Variants in HERC4 observed in about 807,000 individuals in gnomAD.
HERC4 encodes probable E3 ubiquitin-protein ligase HERC4.
HERC4 carries 28 observed loss-of-function variants against 124.3 expected under a neutral mutation model. The ratio of observed to expected loss-of-function variants is 0.23; its 90% CI spans 0.17 to 0.31. The LOEUF (loss-of-function observed/expected upper bound fraction) is 0.31, where lower values mean the gene tolerates loss of function less well. Among genes scored for constraint, HERC4 ranks in the 10% least tolerant of loss-of-function variants. HERC4 has a pLI of 1.00. For synonymous variants in HERC4, 407 were observed against 421.5 expected, an observed-to-expected ratio of 0.97 and a Z score of 0.42; for missense variants, 713 against 1,229.3, an observed-to-expected ratio of 0.58 and a Z score of 6.28.
chr10:67,956,938 A>G lies in HERC4; in HGVS notation c.1965T>C (p.Phe655=), dbSNP rs139783077. 5 of 1,603,948 alleles carry G rather than the reference A, an allele frequency of 3.1e-6. No homozygotes were observed. Among genetic ancestry groups the G allele is most frequent in the African/African-American group, 2.7e-5 (2 of 74,604 alleles). The change falls in exon 17 of 25, where the codon TTT becomes TTC. Residue 655 remains phenylalanine (F), a synonymous_variant. Transcript: ENST00000373700. ...DIPVTICTYP[F]VFDAQAKTTL... ...TAGTTTTTGCTTGGGCATCAAATAC[A>G]AATGGATATGTACAGATTGTAACAG...
At chr10:68,050,103 G>C (rs1341685769) in intron 3 of HERC4, among the ~76,000 whole-genome samples, 2 of 152,120 alleles carry the variant, frequency 1.3e-5, no homozygotes, top group Non-Finnish European at 2.9e-5. Context: ...TGAGGTAGGA[G>C]AATCACCTGA....
chr10:67,951,086 G>A (rs994216674), intron 19 of HERC4, among the ~76,000 whole-genome samples: 1 of 152,202 alleles, frequency 6.6e-6, no homozygotes. Flanking sequence ...GCCAAGGTGA[G>A]ATAGAACTTG....
At chr10:68,049,438 C>G (rs1287504106) in intron 3 of HERC4, among the ~76,000 whole-genome samples, 1 of 151,056 alleles carries the variant, frequency 6.6e-6, no homozygotes, top group Non-Finnish European at 1.5e-5. Context: ...CTGAGGTGGA[C>G]AGATCTTAAG....
intron 15 of HERC4, among the ~76,000 whole-genome samples, chr10:67,980,004 T>C (rs2035833928): frequency 6.6e-6 from 1 of 152,142 alleles, no homozygotes; most frequent in African/African-American, 2.4e-5. Flanking sequence ...GCCAATATGC[T>C]GGCAGCAGAC....
At chr10:68,007,194 A>G (rs1295473087) in intron 9 of HERC4, among the ~76,000 whole-genome samples, 2 of 151,972 alleles carry the variant, frequency 1.3e-5, no homozygotes, top group Non-Finnish European at 2.9e-5. Context: ...ATTTTCATAT[A>G]TCATGTCTTC....
In HERC4 at chr10:67,922,736, G is replaced by T. The variant is rs2030348463; in HGVS notation, c.*195C>A. 1 of 383,966 alleles carries T rather than the reference G, an allele frequency of 2.6e-6. No homozygotes were observed. Among genetic ancestry groups the T allele is most frequent in the Non-Finnish European group, 4.7e-6 (1 of 212,964 alleles). The allele number at this position is 383,966 out of a possible 1,614,324, so 23.8% of individuals were successfully genotyped here. A position where few individuals can be genotyped will look rare whatever the true frequency, so the allele number is the denominator to read the frequency against. On this transcript the variant is annotated 3_prime_UTR_variant, in exon 25 of 25. Coordinates refer to ENST00000373700, the MANE Select transcript of HERC4 (RefSeq NM_015601.4). The stretch of plus-strand genomic sequence containing the variant: ...TAGAAGATGGTCAAAAAAAATCCAT[G>T]GTTCTGTACAATAATATTAACAGTT...
intron 19 of HERC4, among the ~76,000 whole-genome samples, chr10:67,948,723 C>A (rs1318494288): frequency 6.7e-6 from 1 of 150,234 alleles, no homozygotes; most frequent in African/African-American, 2.5e-5. Context: ...GAGTTCAAGA[C>A]CAGCCTGGCC....
At position 68,034,017 on chromosome 10, in the gene HERC4, G is replaced by A; in HGVS notation, c.633C>T (p.Ile211=). 1 of 1,614,064 alleles carries A rather than the reference G, an allele frequency of 6.2e-7. No homozygotes were observed. The highest frequency in any genetic ancestry group is 8.5e-7 in the Non-Finnish European group (1 of 1,180,002). Residue 211 remains isoleucine, a synonymous_variant, in exon 6 of 25, where the codon ATC becomes ATT. Transcript: ENST00000373700. ...CAAACTTGTTGCGTCCCCATCCAAA[G>A]ATAGCTCCAGAAAGGGTGAGTACAA... is the stretch of plus-strand genomic sequence containing the variant. ...HSFVLTLSGA[I]FGWGRNKFGQ...
chr10:68,047,387 A>G (rs909124212), intron 3 of HERC4, among the ~76,000 whole-genome samples: 2 of 152,232 alleles, frequency 1.3e-5, no homozygotes, highest in Non-Finnish European at 2.9e-5. Context: ...GCACTTTTCC[A>G]TATGGGTTAA....
chr10:68,044,503 G>A lies in HERC4; in HGVS notation c.287C>T (p.Thr96Met). Residue 96 changes from threonine to methionine, a missense_variant, in exon 4 of 25, where the codon ACG becomes ATG. By Grantham distance (81) the Thr-to-Met change is moderately conservative. Coordinates refer to ENST00000373700, the MANE Select transcript of HERC4 (RefSeq NM_015601.4). Reference sequence around the variant, plus strand: ...CTGGCCTTTGTCATTTAGCGCTAACGTATGAGCTTCTCCACATGAAACAGC... The same window carrying A: ...CTGGCCTTTGTCATTTAGCGCTAACATATGAGCTTCTCCACATGAAACAGC... ...IVAVSCGEAH[T>M]LALNDKGQVY... 6.2e-7 allele frequency: 1 copy of A among 1,614,066 alleles called. No homozygotes were observed.
At chr10:67,992,114 C>T (rs2036583725) in intron 11 of HERC4, 85 bp downstream of exon 11, 2 of 1,324,504 alleles carry the variant, frequency 1.5e-6, no homozygotes, top group South Asian at 2.5e-5. Flanking sequence ...CCAGGCTGGT[C>T]TCCAATTCCT....
Position 67,953,059 on chromosome 10 carries a change from TA to T in HERC4, c.2337+1535del, listed in dbSNP as rs1230296718. On this transcript the variant is annotated intron_variant, in intron 19 of 24. Transcript: ENST00000373700. ...TGTAATATATTGCTATCTACATATATATATATATTTAAAGGAGGATAGCCCA... is the reference window on the plus strand; with the variant it reads ...TGTAATATATTGCTATCTACATATATTATATATTTAAAGGAGGATAGCCCA... Among the ~76,000 whole-genome samples, 64 of 152,220 alleles carry T rather than the reference TA, an allele frequency of 4.2e-4. No individual in the cohort carries two copies. The Middle Eastern group carries it at 0.01, about 24-fold the overall frequency.
intron 16 of HERC4, chr10:67,960,703 C>T (rs2034457590): frequency 1.2e-5 from 2 of 165,622 alleles, no homozygotes; most frequent in South Asian, 3.2e-4. Context: ...ATTTTAAACA[C>T]ATTCTTGGAT....
intron 5 of HERC4, among the ~76,000 whole-genome samples, chr10:68,036,492 AAAG>A (rs1362301851): frequency 5.9e-5 from 9 of 152,310 alleles, no homozygotes; most frequent in Middle Eastern, 3.4e-3. Flanking sequence ...GCAAAACAAC[AAAG>A]AATACACAGA....
intron 15 of HERC4, 106 bp from the exon 16 acceptor site, chr10:67,966,908 G>A (rs1422598002): frequency 1.3e-6 from 1 of 755,202 alleles, no homozygotes; most frequent in African/African-American, 1.9e-5. Context: ...AGGCTGGAGT[G>A]CAGTGGCACA....
chr10:68,073,357 T>G (rs141340509), intron 2 of HERC4, among the ~76,000 whole-genome samples, 171 bp from the exon 3 acceptor site: 1 of 152,314 alleles, frequency 6.6e-6, no homozygotes, highest in Admixed American at 6.5e-5. Context: ...TTTTTTAAAA[T>G]GTATCATACA....
intron 9 of HERC4, among the ~76,000 whole-genome samples, chr10:67,999,994 C>T (rs748221387): frequency 1.3e-5 from 2 of 152,096 alleles, no homozygotes. Context: ...TATTTGAGAA[C>T]AACGGTTACT....
chr10:67,926,412 AAAAT>A lies in HERC4; in HGVS notation c.2839-1229_2839-1226del, dbSNP rs777143685. Among the ~76,000 whole-genome samples, 19 of 148,726 alleles carry A rather than the reference AAAAT, an allele frequency of 1.3e-4. No individual in the cohort carries two copies. The South Asian group carries it at 1.5e-3, about 12-fold the overall frequency. The stretch of plus-strand genomic sequence containing the variant: ...AACTCCATCTCAATAAAAAAAATAA[AAAAT>A]AAAAAAAAAAAAAAACAAAAAAATT... On this transcript the variant is annotated intron_variant, in intron 23 of 24. Transcript: ENST00000373700.
At chr10:67,923,983 G>A (rs1332780809) in intron 24 of HERC4, among the ~76,000 whole-genome samples, 3 of 151,858 alleles carry the variant, frequency 2.0e-5, no homozygotes, top group Admixed American at 6.6e-5. Flanking sequence ...TTATAAATGA[G>A]GGAACTAAGG....
Sources: gnomAD v4.1 joint callset for allele counts (sites outside exome capture counted in the v4.1 genomes callset) on GRCh38, gnomAD v4.1.1 for gene constraint, MANE v1.5 for transcripts, NCBI Gene and HGNC (gene_info 2026-07-23, HGNC 2026-07-21) for gene names.